TBC1D31: variants seen among roughly 807,000 people sequenced by gnomAD.
TBC1D31 encodes WD repeat domain 67.
A neutral mutation model predicts 132.9 loss-of-function variants in TBC1D31; 99 were observed. That is an observed-to-expected ratio of 0.74 (90% CI 0.63 to 0.88). The LOEUF is 0.88. Among genes scored for constraint, TBC1D31 ranks in the 40% least tolerant of loss-of-function variants. The pLI is 0.00. For missense variants in TBC1D31, 1,134 were observed against 1,256.6 expected, an observed-to-expected ratio of 0.90 and a Z score of 1.48; for synonymous variants, 385 against 419.4, an observed-to-expected ratio of 0.92 and a Z score of 1.00.
At chr8:123,123,829 T>C (rs1397212805) in intron 11 of TBC1D31, 1 of 152,306 alleles carries the variant, frequency 6.6e-6, no homozygotes, top group Non-Finnish European at 1.5e-5. Context: ...TTTGTATAGT[T>C]AACACCCTAT....
the TBC1D31 span, among the ~76,000 whole-genome samples, chr8:123,158,302 A>T: frequency 6.6e-6 from 1 of 152,188 alleles, no homozygotes; most frequent in South Asian, 2.1e-4. Context: ...TTACTGTCTA[A>T]AATCAGCCAG....
At chr8:123,112,671 A>G (rs1465968378) in intron 10 of TBC1D31, among the ~76,000 whole-genome samples, 1 of 152,230 alleles carries the variant, frequency 6.6e-6, no homozygotes, top group African/African-American at 2.4e-5. Context: ...AGCATGCTGC[A>G]TTAATTAGTT....
chr8:123,088,301 A>G (rs780591523), intron 4 of TBC1D31, among the ~76,000 whole-genome samples: 9 of 152,224 alleles, frequency 5.9e-5, no homozygotes, highest in Non-Finnish European at 1.2e-4. Flanking sequence ...GCAAAATTAT[A>G]TAACCATTCA....
intron 2 of TBC1D31, among the ~76,000 whole-genome samples, chr8:123,078,477 C>T (rs1814775499): frequency 2.0e-5 from 3 of 152,162 alleles, no homozygotes; most frequent in Admixed American, 6.5e-5. Context: ...TCCCTAGCTT[C>T]GTACACCCAG....
In TBC1D31 at chr8:123,126,165, C is replaced by T. The variant is rs1563732560; in HGVS notation, c.1680C>T (p.Phe560=). Reference sequence around the variant, plus strand: ...ATGACAAGGAACTGCTGCAACACTTCATAGATCATGATATAACCTCCCAGG... The same window carrying T: ...ATGACAAGGAACTGCTGCAACACTTTATAGATCATGATATAACCTCCCAGG... ...AFHDKELLQH[F]IDHDITSQLY... The change falls in exon 12 of 22, where the codon TTC becomes TTT. Residue 560 remains phenylalanine, a synonymous_variant. Transcript: ENST00000287380. 1.2e-6 allele frequency: 2 copies of T among 1,611,346 alleles called. No individual in the cohort carries two copies. Among genetic ancestry groups the T allele is most frequent in the Non-Finnish European group, 1.7e-6 (2 of 1,179,050 alleles).
Position 123,093,580 on chromosome 8 carries a change from T to C in TBC1D31, c.520-11T>C, listed in dbSNP as rs771841291. 4 of 1,586,460 alleles carry C rather than the reference T, an allele frequency of 2.5e-6. No individual in the cohort carries two copies. The highest frequency in any genetic ancestry group is 8.6e-7 in the Non-Finnish European group (1 of 1,162,188). ...CTTATGTGAAAACTAACTTTCTCTA[T>C]TCCTCCTTAGGTTTTCTTTCTACCA... On this transcript the variant is annotated splice_polypyrimidine_tract_variant and intron_variant, in intron 4 of 21. Transcript: ENST00000287380.
chr8:123,144,913 G>A, intron 20 of TBC1D31, 58 bp downstream of exon 20: 1 of 1,484,318 alleles, frequency 6.7e-7, no homozygotes, highest in East Asian at 2.3e-5. Context: ...TTTTAGTAGG[G>A]TCTATTATTA....
At chr8:123,159,530 G>C in the TBC1D31 span, among the ~76,000 whole-genome samples, 9 of 152,182 alleles carry the variant, frequency 5.9e-5, 1 homozygote, top group Non-Finnish European at 2.9e-5. Flanking sequence ...GGTGGCTCAC[G>C]TCTGTAATCC....
At chr8:123,098,709 T>C (rs887060836) in intron 6 of TBC1D31, among the ~76,000 whole-genome samples, 4 of 152,258 alleles carry the variant, frequency 2.6e-5, no homozygotes, top group Admixed American at 6.5e-5. Flanking sequence ...TAACCTATTT[T>C]TAGTCATTTT....
intron 7 of TBC1D31, 46 bp downstream of exon 7, chr8:123,101,053 T>A: frequency 7.7e-7 from 1 of 1,302,098 alleles, no homozygotes; most frequent in Non-Finnish European, 1.1e-6. Context: ...TAAACACTTA[T>A]ATATTATATC....
intron 11 of TBC1D31, 92 bp from the exon 12 acceptor site, chr8:123,125,964 A>C: frequency 1.1e-6 from 1 of 931,540 alleles, no homozygotes. Context: ...ACATATTGAG[A>C]ACATAAAGAT....
At chr8:123,121,626 C>T (rs920769686) in intron 11 of TBC1D31, among the ~76,000 whole-genome samples, 2 of 152,150 alleles carry the variant, frequency 1.3e-5, no homozygotes, top group South Asian at 2.1e-4. Flanking sequence ...CTTCCAGAGG[C>T]CCTCACCTCA....
Position 123,100,829 on chromosome 8 carries a change from A to G in TBC1D31, c.854A>G (p.Asp285Gly). 6.2e-7 allele frequency: 1 copy of G among 1,613,502 alleles called. No individual in the cohort carries two copies. The highest frequency in any genetic ancestry group is 8.5e-7 in the Non-Finnish European group (1 of 1,179,608). Residue 285 changes from aspartate to glycine, a missense_variant, in exon 7 of 22, where the codon GAT becomes GGT. Coordinates refer to ENST00000287380, the MANE Select transcript of TBC1D31 (RefSeq NM_145647.4). The part of the protein sequence containing the change: ...SNQVLGVLSQ[D>G]GIMRFINMQT... ...TAGGTTCTTGGAGTACTAAGTCAAG[A>G]TGGTATTATGAGATTTATCAATATG...
At chr8:123,158,931 G>A in the TBC1D31 span, among the ~76,000 whole-genome samples, 1 of 152,092 alleles carries the variant, frequency 6.6e-6, no homozygotes, top group Non-Finnish European at 1.5e-5. Flanking sequence ...TGGATCCCAC[G>A]GTCTAGGGTG....
intron 4 of TBC1D31, among the ~76,000 whole-genome samples, chr8:123,085,111 C>T (rs1288862934): frequency 6.6e-6 from 1 of 152,032 alleles, no homozygotes; most frequent in East Asian, 1.9e-4. Flanking sequence ...TTAAAGTAAA[C>T]TTTGGTCATC....
At position 123,109,616 on chromosome 8, in the gene TBC1D31, C is replaced by G; in HGVS notation, c.1432C>G (p.Gln478Glu). The change falls in exon 10 of 22, where the codon CAG becomes GAG. Residue 478 changes from glutamine to glutamate, a missense_variant. Gln to Glu is a conservative substitution (Grantham distance 29, BLOSUM62 2). Transcript: ENST00000287380. ...IKSRKLLRVL[Q>E]RTLSALAHWS... ...AAGTAGGAAGCTACTCAGAGTATTA[C>G]AGAGGTATGTTCTATATATTGCAGC... is the stretch of plus-strand genomic sequence containing the variant. 1 of 1,611,376 alleles carries G rather than the reference C, an allele frequency of 6.2e-7. No individual in the cohort carries two copies. The highest frequency in any genetic ancestry group is 1.1e-5 in the South Asian group (1 of 90,792).
At chr8:123,159,559 A>T in the TBC1D31 span, among the ~76,000 whole-genome samples, 1 of 152,224 alleles carries the variant, frequency 6.6e-6, no homozygotes, top group Admixed American at 6.5e-5. Flanking sequence ...TGGGAGGCCT[A>T]GGCGGGAGGA....
chr8:123,142,993 T>A (rs1821851741), intron 19 of TBC1D31, among the ~76,000 whole-genome samples: 1 of 151,646 alleles, frequency 6.6e-6, no homozygotes, highest in Non-Finnish European at 1.5e-5. Context: ...AGGTAGGGAG[T>A]CTAGGGTTAG....
chr8:123,128,951 G>A (rs1820362596), intron 14 of TBC1D31, 115 bp from the exon 15 acceptor site: 1 of 657,432 alleles, frequency 1.5e-6, no homozygotes, highest in African/African-American at 1.9e-5. Flanking sequence ...ATTAAAGATA[G>A]TTAATTCTTG....
Sources: gnomAD v4.1 joint callset for allele counts (sites outside exome capture counted in the v4.1 genomes callset) on GRCh38, gnomAD v4.1.1 for gene constraint, MANE v1.5 for transcripts, NCBI Gene and HGNC (gene_info 2026-07-23, HGNC 2026-07-21) for gene names.